GPC5: variants seen among roughly 807,000 people sequenced by gnomAD.
GPC5 encodes the protein glypican-5.
GPC5 carries 47 observed loss-of-function variants against 53.9 expected under a neutral mutation model. That is an observed-to-expected ratio of 0.87 (90% CI 0.69 to 1.11). The LOEUF (loss-of-function observed/expected upper bound fraction) is 1.11, where lower values mean the gene tolerates loss of function less well. Ranked by LOEUF, GPC5 falls within the 50% of genes most tolerant of loss-of-function variation. The probability of loss-of-function intolerance (pLI) is 0.00; values close to 1 mark genes in which losing one functional copy is unlikely to be tolerated. For synonymous variants in GPC5, 286 were observed against 263.3 expected (o/e 1.09, Z -0.84); for missense variants, 748 against 713.1 (o/e 1.05, Z -0.56).
intron 2 of GPC5, among the ~76,000 whole-genome samples, chr13:91,566,340 C>A (rs1367177673): frequency 6.6e-6 from 1 of 151,990 alleles, no homozygotes; most frequent in East Asian, 1.9e-4. Flanking sequence ...CTGAAGTGGG[C>A]AGATCACGAG....
chr13:91,885,448 T>C (rs1317093834), intron 5 of GPC5, among the ~76,000 whole-genome samples: 1 of 152,172 alleles, frequency 6.6e-6, no homozygotes, highest in Admixed American at 6.5e-5. Flanking sequence ...CCTCCCCGAC[T>C]AGAATCTGGT....
At chr13:92,296,667 A>G (rs1259997297) in intron 7 of GPC5, among the ~76,000 whole-genome samples, 2 of 152,038 alleles carry the variant, frequency 1.3e-5, no homozygotes, top group African/African-American at 4.8e-5. Context: ...GTATGGAGGG[A>G]GAGGCGCGAG....
intron 7 of GPC5, among the ~76,000 whole-genome samples, chr13:92,280,650 CTG>C (rs2042907926): frequency 6.6e-6 from 1 of 152,082 alleles, no homozygotes; most frequent in African/African-American, 2.4e-5. Context: ...CAGAGTATGA[CTG>C]TATTAGAAGA....
chr13:92,743,621 T>G (rs1337720913), intron 7 of GPC5, among the ~76,000 whole-genome samples: 3 of 152,130 alleles, frequency 2.0e-5, no homozygotes. Flanking sequence ...TCCAACACTA[T>G]GTTGAATAGG....
At chr13:92,592,900 C>T (rs141183594) in intron 7 of GPC5, among the ~76,000 whole-genome samples, 2 of 150,818 alleles carry the variant, frequency 1.3e-5, no homozygotes, top group East Asian at 3.9e-4. Context: ...CTCATGCGTG[C>T]CCCTAGCTTT....
intron 7 of GPC5, among the ~76,000 whole-genome samples, chr13:92,246,184 AAAGTCAAATTT>A (rs2042649435): frequency 1.3e-5 from 2 of 152,130 alleles, no homozygotes; most frequent in Non-Finnish European, 2.9e-5. Context: ...GCAACATAGG[AAAGTCAAATTT>A]AAACGGCATC....
intron 6 of GPC5, among the ~76,000 whole-genome samples, chr13:92,123,242 T>C (rs2041665248): frequency 1.3e-5 from 2 of 151,810 alleles, no homozygotes; most frequent in Admixed American, 1.3e-4. Flanking sequence ...CTGTCTCTAC[T>C]TTAAAAAAAA....
intron 1 of GPC5, among the ~76,000 whole-genome samples, chr13:91,416,263 G>A (rs1368158998): frequency 1.3e-5 from 2 of 152,076 alleles, no homozygotes. Flanking sequence ...ACCTCAAAAA[G>A]AATAACTAGC....
At chr13:92,861,365 C>A (rs955162039) in intron 7 of GPC5, among the ~76,000 whole-genome samples, 1 of 152,154 alleles carries the variant, frequency 6.6e-6, no homozygotes, top group African/African-American at 2.4e-5. Context: ...TTGGCAAATT[C>A]TCTAATGAAG....
chr13:92,118,890 C>T (rs1212549880), intron 6 of GPC5, among the ~76,000 whole-genome samples: 2 of 152,178 alleles, frequency 1.3e-5, no homozygotes, highest in Non-Finnish European at 2.9e-5. Flanking sequence ...TGGACCTGTG[C>T]TCAGCTTTCT....
At chr13:91,450,577 A>T (rs1206298231) in intron 2 of GPC5, among the ~76,000 whole-genome samples, 1 of 152,146 alleles carries the variant, frequency 6.6e-6, no homozygotes, top group Non-Finnish European at 1.5e-5. Flanking sequence ...AGTTTTGGTG[A>T]TACTGCTAAA....
At chr13:92,421,577 T>C (rs937623148) in intron 7 of GPC5, among the ~76,000 whole-genome samples, 2 of 150,824 alleles carry the variant, frequency 1.3e-5, no homozygotes, top group Non-Finnish European at 2.9e-5. Context: ...CGGGCACCTG[T>C]AGTCCCAGCT....
intron 6 of GPC5, among the ~76,000 whole-genome samples, chr13:92,049,471 T>A (rs9560907): frequency 0.44 from 67,075 of 151,834 alleles, 15,152 homozygotes; most frequent in Admixed American, 0.52. Context: ...GAGCTCCAGA[T>A]AAAAAGACAC....
intron 5 of GPC5, among the ~76,000 whole-genome samples, chr13:91,888,478 A>T (rs1000985043): frequency 4.6e-5 from 7 of 152,082 alleles, no homozygotes; most frequent in African/African-American, 1.7e-4. Flanking sequence ...TGTGGTGGAG[A>T]TAAGGTTGAT....
intron 5 of GPC5, among the ~76,000 whole-genome samples, chr13:91,804,764 G>T (rs2138786559): frequency 6.6e-6 from 1 of 152,286 alleles, no homozygotes. Flanking sequence ...AAGAGAGGCA[G>T]GTTTGGCAGG....
intron 6 of GPC5, among the ~76,000 whole-genome samples, chr13:91,974,691 T>G (rs2040280510): frequency 6.6e-6 from 1 of 152,184 alleles, no homozygotes; most frequent in Non-Finnish European, 1.5e-5. Flanking sequence ...ATGGCCATAC[T>G]ACCCAAGGTA....
chr13:91,850,061 G>A (rs963404546), intron 5 of GPC5, among the ~76,000 whole-genome samples: 1 of 152,106 alleles, frequency 6.6e-6, no homozygotes, highest in South Asian at 2.1e-4. Flanking sequence ...CTGATTACTT[G>A]TATCTTTCAA....
At chr13:92,623,880 A>G (rs1193832704) in intron 7 of GPC5, among the ~76,000 whole-genome samples, 3 of 151,654 alleles carry the variant, frequency 2.0e-5, no homozygotes, top group African/African-American at 7.2e-5. Context: ...ATTTTGAGAC[A>G]GAGTTTTGCT....
At chr13:92,066,462 G>T (rs910623721) in intron 6 of GPC5, among the ~76,000 whole-genome samples, 17 of 151,236 alleles carry the variant, frequency 1.1e-4, no homozygotes, top group Admixed American at 2.6e-4. Flanking sequence ...AAAACAGCCT[G>T]CATGACTTCT....
Sources: allele counts gnomAD v4.1 joint callset (sites outside exome capture counted in the v4.1 genomes callset), GRCh38; gene constraint gnomAD v4.1.1; transcripts MANE v1.5; gene names NCBI Gene and HGNC (gene_info 2026-07-23, HGNC 2026-07-21).